TPRG1: variants seen among roughly 807,000 people sequenced by gnomAD.
The protein encoded by TPRG1 is tumor protein p63 regulated 1.
In TPRG1, 29 loss-of-function variants were observed where a neutral mutation model predicts 29.3. The observed-to-expected ratio is 0.99, with a 90% CI of 0.74 to 1.35. The LOEUF is 1.35. TPRG1 is among the 40% of genes most tolerant of loss of function. TPRG1 has a pLI of 0.00. For synonymous variants in TPRG1, 130 were observed against 116.8 expected (o/e 1.11, Z -0.73); for missense variants, 327 against 335.0 (o/e 0.98, Z 0.19).
chr3:189,319,850 G>A (rs761165137), intron 5 of TPRG1, among the ~76,000 whole-genome samples: 60 of 152,186 alleles, frequency 3.9e-4, no homozygotes, highest in Non-Finnish European at 2.9e-4. Context: ...TCTAAAAGGC[G>A]TTTTCTGTGT....
At chr3:189,282,265 C>T (rs993319765) in intron 4 of TPRG1, among the ~76,000 whole-genome samples, 2 of 141,886 alleles carry the variant, frequency 1.4e-5, no homozygotes, top group Non-Finnish European at 1.5e-5. Context: ...TCTTAGGCAT[C>T]AGTGGATAAC....
chr3:189,284,337 G>T (rs1443152267), intron 4 of TPRG1, among the ~76,000 whole-genome samples: 1 of 148,258 alleles, frequency 6.7e-6, no homozygotes, highest in Middle Eastern at 3.2e-3. Flanking sequence ...ATCTCCTAAT[G>T]CTATCCCTCC....
chr3:189,016,124 G>A (rs1030911495), intron 3 of TPRG1, among the ~76,000 whole-genome samples: 2 of 152,114 alleles, frequency 1.3e-5, no homozygotes, highest in African/African-American at 4.8e-5. Flanking sequence ...AGAGCCACAG[G>A]GGTCGAGATG....
Position 189,146,020 on chromosome 3 carries a change from C to T in TPRG1, c.-290-1564C>T, listed in dbSNP as rs185231968. Among the ~76,000 whole-genome samples the T allele has an allele frequency of 2.0e-5, 3 of 152,164 alleles. No homozygotes were observed. The East Asian group carries it at 5.8e-4, about 29-fold the overall frequency. ...TGCATTTTTCTAAGAGAAAGCCAGG[C>T]TAAAATTGGTAGTAGTTAAAAAGGG... On this transcript the variant is annotated intron_variant, in intron 3 of 6. Transcript: ENST00000412373.
intron 3 of TPRG1, chr3:189,219,674 A>C: frequency 7.8e-7 from 1 of 1,283,372 alleles, no homozygotes; most frequent in South Asian, 1.3e-5. Flanking sequence ...AATGTACTTG[A>C]GGTGTCTTTG....
chr3:189,034,665 A>G (rs976240628), intron 4 of TPRG1, among the ~76,000 whole-genome samples: 2 of 152,184 alleles, frequency 1.3e-5, no homozygotes, highest in African/African-American at 4.8e-5. Flanking sequence ...AAGAACATTT[A>G]GAAGGAAATC....
At chr3:189,233,162 GTGTA>G (rs1364129614) in intron 3 of TPRG1, among the ~76,000 whole-genome samples, 13 of 105,616 alleles carry the variant, frequency 1.2e-4, no homozygotes, top group African/African-American at 4.9e-4. Flanking sequence ...TCTACTGAGT[GTGTA>G]TGTGTGTGTG....
At chr3:189,114,833 G>T (rs1720981203) in intron 1 of TPRG1, among the ~76,000 whole-genome samples, 1 of 152,166 alleles carries the variant, frequency 6.6e-6, no homozygotes, top group Non-Finnish European at 1.5e-5. Context: ...TAAATAGATT[G>T]ATAACTGGCT....
intron 4 of TPRG1, among the ~76,000 whole-genome samples, chr3:189,290,686 C>G: frequency 6.6e-6 from 1 of 152,266 alleles, no homozygotes; most frequent in East Asian, 1.9e-4. Flanking sequence ...TGGACTATTG[C>G]AGGTGTAGAA....
chr3:189,079,495 T>C (rs1226920600), intron 4 of TPRG1, among the ~76,000 whole-genome samples: 3 of 152,216 alleles, frequency 2.0e-5, no homozygotes, highest in Non-Finnish European at 4.4e-5. Flanking sequence ...CAATAAATGC[T>C]GAATAAATGA....
At position 189,207,494 on chromosome 3, in the gene TPRG1, T is replaced by C. The variant is rs373303004; in HGVS notation, c.110T>C (p.Met37Thr). Residue 37 changes from methionine (M) to threonine (T), a missense_variant, in exon 2 of 6, where the codon ATG becomes ACG. By Grantham distance (81) the Met-to-Thr change is moderately conservative (BLOSUM62 -1). Transcript: ENST00000345063. ...DHLSMEEEDP[M>T]PRQISRQSSV... The stretch of plus-strand genomic sequence containing the variant: ...CTATCGATGGAGGAAGAGGACCCGA[T>C]GCCAAGACAGATTTCAAGGCAGTCA... 17 of 1,613,960 alleles carry C rather than the reference T, an allele frequency of 1.1e-5. No homozygotes were observed. The highest frequency in any genetic ancestry group is 1.2e-5 in the Non-Finnish European group (14 of 1,179,980).
intron 4 of TPRG1, among the ~76,000 whole-genome samples, chr3:189,255,298 T>G (rs1711642174): frequency 1.3e-5 from 2 of 152,220 alleles, no homozygotes; most frequent in African/African-American, 4.8e-5. Context: ...TTTTTGTCAC[T>G]GGTTGTGCTT....
chr3:189,173,120 A>G (rs1729023270), intron 1 of TPRG1, among the ~76,000 whole-genome samples: 1 of 152,110 alleles, frequency 6.6e-6, no homozygotes, highest in African/African-American at 2.4e-5. Flanking sequence ...AATTTTAGCT[A>G]TCATTTTTCT....
intron 5 of TPRG1, among the ~76,000 whole-genome samples, chr3:189,317,831 C>T (rs964894173): frequency 6.6e-6 from 1 of 152,120 alleles, no homozygotes; most frequent in African/African-American, 2.4e-5. Flanking sequence ...GTTTAAAGTG[C>T]ACTTGTATGT....
intron 4 of TPRG1, among the ~76,000 whole-genome samples, chr3:189,095,044 C>T (rs189983811): frequency 9.2e-5 from 14 of 152,270 alleles, no homozygotes; most frequent in Non-Finnish European, 1.5e-4. Context: ...GTCTGGCTCA[C>T]GACTAGGGTA....
rs1734570668 is a variant in TPRG1, at chr3:189,207,460, A to G, written c.76A>G (p.Thr26Ala). The G allele has an allele frequency of 6.2e-7, 1 of 1,613,932 alleles. No individual in the cohort carries two copies. The highest frequency in any genetic ancestry group is 1.3e-5 in the African/African-American group (1 of 74,912). ...KQEGDDQPSE[T>A]DHLSMEEEDP... ...AGAGGGAGATGACCAACCCTCTGAGACTGACCACCTATCGATGGAGGAAGA... is the reference window on the plus strand; with the variant it reads ...AGAGGGAGATGACCAACCCTCTGAGGCTGACCACCTATCGATGGAGGAAGA... The change falls in exon 2 of 6, where the codon ACT (threonine) becomes GCT (alanine). Residue 26 changes from threonine (T) to alanine (A), a missense_variant. Physicochemically the swap from Thr to Ala is moderately conservative, Grantham distance 58. Transcript: ENST00000345063.
intron 4 of TPRG1, among the ~76,000 whole-genome samples, chr3:189,071,092 C>T (rs1384183753): frequency 2.0e-5 from 3 of 150,700 alleles, no homozygotes; most frequent in Admixed American, 6.6e-5. Context: ...AAAAGGAATG[C>T]CTTAGAAACA....
chr3:189,304,840 G>A (rs1037284738), intron 4 of TPRG1, among the ~76,000 whole-genome samples: 3 of 152,106 alleles, frequency 2.0e-5, no homozygotes, highest in African/African-American at 7.2e-5. Flanking sequence ...TAAGAAAATA[G>A]ATCATGTTGT....
At chr3:189,140,103 G>A (rs532069199) in intron 3 of TPRG1, among the ~76,000 whole-genome samples, 34 of 152,262 alleles carry the variant, frequency 2.2e-4, no homozygotes, top group Non-Finnish European at 3.2e-4. Context: ...CTCTGTAGTC[G>A]TAAGCATAGG....
Sources: gnomAD v4.1 joint callset for allele counts (sites outside exome capture counted in the v4.1 genomes callset) on GRCh38, gnomAD v4.1.1 for gene constraint, MANE v1.5 for transcripts, NCBI Gene and HGNC (gene_info 2026-07-23, HGNC 2026-07-21) for gene names.